Variants in SERGEF observed in about 807,000 individuals in gnomAD.
The protein encoded by SERGEF is secretion-regulating guanine nucleotide exchange factor.
A neutral mutation model predicts 50.0 loss-of-function variants in SERGEF; 51 were observed. The ratio of observed to expected loss-of-function variants is 1.02; its 90% CI spans 0.81 to 1.29. The LOEUF (loss-of-function observed/expected upper bound fraction) is 1.29, where lower values mean the gene tolerates loss of function less well. Ranked by LOEUF, SERGEF falls within the 50% of genes most tolerant of loss-of-function variation. The pLI, the probability that SERGEF is intolerant of heterozygous loss-of-function variation, is 0.00. For missense variants in SERGEF, 521 were observed against 557.0 expected (o/e 0.94, Z 0.65); for synonymous variants, 205 against 212.4 (o/e 0.97, Z 0.30).
In SERGEF at chr11:17,889,519, A is replaced by G. The variant is rs61882439; in HGVS notation, c.1012-11275T>C. ...TGTCCTGTACTCTTAAAAAATGTCAATGTCATAAGAGATAAAGAAAAGCTA... is the reference window on the plus strand; with the variant it reads ...TGTCCTGTACTCTTAAAAAATGTCAGTGTCATAAGAGATAAAGAAAAGCTA... On this transcript the variant is annotated intron_variant, in intron 9 of 10. Coordinates refer to ENST00000265965, the MANE Select transcript of SERGEF (RefSeq NM_012139.4). 3.3e-5 allele frequency among the ~76,000 whole-genome samples: 5 copies of G among 152,246 alleles called. No homozygotes were observed. The East Asian group carries it at 5.8e-4, about 18-fold the overall frequency.
At position 17,991,063 on chromosome 11, in the gene SERGEF, T is replaced by C. The variant is rs1853703974; in HGVS notation, c.685+1868A>G. Among the ~76,000 whole-genome samples the C allele has an allele frequency of 6.6e-6, 1 of 152,202 alleles. No individual in the cohort carries two copies. ...GCCTCAGCCTCCAAAGTGCTGGGAT[T>C]ACAGGTGTGAGCCACAGTGTCCAGC... On this transcript the variant is annotated intron_variant, in intron 7 of 10. Coordinates refer to ENST00000265965, the MANE Select transcript of SERGEF (RefSeq NM_012139.4). The surrounding 1 kb of genome is among the most constrained non-coding windows in gnomAD (Gnocchi z 4.9).
chr11:17,957,176 T>C (rs1046040522), intron 9 of SERGEF, among the ~76,000 whole-genome samples: 11 of 152,162 alleles, frequency 7.2e-5, no homozygotes, highest in African/African-American at 2.7e-4. Context: ...CCTGATAAGC[T>C]ACGTAAAATT....
intron 10 of SERGEF, among the ~76,000 whole-genome samples, chr11:17,848,886 G>T (rs1850664519): frequency 1.3e-5 from 2 of 152,172 alleles, no homozygotes; most frequent in African/African-American, 4.8e-5. Flanking sequence ...TATAAATGAG[G>T]AGATAAGGCC....
At chr11:17,910,193 ACT>A (rs1219567785) in intron 9 of SERGEF, among the ~76,000 whole-genome samples, 13 of 145,666 alleles carry the variant, frequency 8.9e-5, no homozygotes, top group South Asian at 2.2e-4. Flanking sequence ...ACACACACAC[ACT>A]CTCTCTCTCT....
chr11:17,956,211 A>G (rs2133968368), intron 9 of SERGEF, among the ~76,000 whole-genome samples: 1 of 152,306 alleles, frequency 6.6e-6, no homozygotes, highest in East Asian at 1.9e-4. Context: ...GCTCAGAAGA[A>G]AAGAATTGAA....
intron 1 of SERGEF, among the ~76,000 whole-genome samples, chr11:18,009,719 CTAT>C (rs1233167808): frequency 2.6e-5 from 4 of 151,610 alleles, no homozygotes; most frequent in African/African-American, 7.2e-5. Context: ...GGCAATATGT[CTAT>C]TATTATTATT....
intron 9 of SERGEF, among the ~76,000 whole-genome samples, chr11:17,923,437 G>C (rs539405706): frequency 5.7e-4 from 87 of 152,326 alleles, no homozygotes; most frequent in Non-Finnish European, 9.4e-4. Flanking sequence ...GGATGGAAAT[G>C]CTCCAGGAAA....
At chr11:17,948,402 A>T (rs949589530) in intron 9 of SERGEF, among the ~76,000 whole-genome samples, 6 of 152,182 alleles carry the variant, frequency 3.9e-5, no homozygotes, top group Non-Finnish European at 5.9e-5. Context: ...GCCGCAGTGT[A>T]GTCTCTTGAT....
chr11:17,967,808 G>C (rs1853156461), intron 8 of SERGEF, among the ~76,000 whole-genome samples: 1 of 152,156 alleles, frequency 6.6e-6, no homozygotes, highest in African/African-American at 2.4e-5. Flanking sequence ...CCTCCTTCCT[G>C]GGCCTTAGGG....
At chr11:17,926,501 T>A (rs180779460) in intron 9 of SERGEF, among the ~76,000 whole-genome samples, 1 of 152,320 alleles carries the variant, frequency 6.6e-6, no homozygotes, top group African/African-American at 2.4e-5. Context: ...AGCGTACCCC[T>A]GTCTTCTATC....
chr11:17,989,112 TA>T (rs1853657095), intron 7 of SERGEF, among the ~76,000 whole-genome samples: 1 of 152,164 alleles, frequency 6.6e-6, no homozygotes, highest in South Asian at 2.1e-4. Flanking sequence ...ATACCTTTTG[TA>T]TGAAAAAAAT....
At chr11:17,870,010 A>G (rs573532875) in intron 10 of SERGEF, among the ~76,000 whole-genome samples, 3 of 152,338 alleles carry the variant, frequency 2.0e-5, no homozygotes, top group Admixed American at 1.3e-4. Flanking sequence ...AGGTAATTGA[A>G]TCAGGGGGGC....
chr11:17,911,065 G>A (rs1851942919), intron 9 of SERGEF, among the ~76,000 whole-genome samples: 1 of 152,088 alleles, frequency 6.6e-6, no homozygotes, highest in African/African-American at 2.4e-5. Flanking sequence ...TGCCAGACAT[G>A]GGGCACATGA....
intron 10 of SERGEF, among the ~76,000 whole-genome samples, chr11:17,860,794 TG>T (rs1246724121): frequency 6.6e-6 from 1 of 152,178 alleles, no homozygotes; most frequent in Non-Finnish European, 1.5e-5. Flanking sequence ...CAGGGTTATA[TG>T]TTAAGAATAC....
chr11:17,823,063 G>GT (rs1850111968), intron 10 of SERGEF, among the ~76,000 whole-genome samples: 1 of 152,106 alleles, frequency 6.6e-6, no homozygotes, highest in African/African-American at 2.4e-5. Flanking sequence ...CCAGGATACC[G>GT]TATTACATTT....
At chr11:17,855,508 G>A (rs571387586) in intron 10 of SERGEF, 1 of 152,214 alleles carries the variant, frequency 6.6e-6, no homozygotes, top group African/African-American at 2.4e-5. Context: ...ATATATATTT[G>A]CTATTTTTTC....
At chr11:17,802,464 C>T (rs960563155) in intron 10 of SERGEF, among the ~76,000 whole-genome samples, 2 of 152,270 alleles carry the variant, frequency 1.3e-5, no homozygotes, top group African/African-American at 4.8e-5. Flanking sequence ...TGAGGCGAGG[C>T]ACATTTGTCT....
At chr11:18,012,907 G>A (rs748151517) in intron 1 of SERGEF, 44 bp downstream of exon 1, 3 of 1,536,042 alleles carry the variant, frequency 2.0e-6, no homozygotes, top group Non-Finnish European at 2.6e-6. Flanking sequence ...CCACATCTCG[G>A]CGCCCCTCAG....
intron 9 of SERGEF, among the ~76,000 whole-genome samples, chr11:17,936,083 T>C (rs1312469204): frequency 6.6e-6 from 1 of 152,204 alleles, no homozygotes; most frequent in Non-Finnish European, 1.5e-5. Context: ...ACTCTATCTA[T>C]TCTTTTAATA....
Sources: gnomAD v4.1 joint callset for allele counts (sites outside exome capture counted in the v4.1 genomes callset) on GRCh38, gnomAD v4.1.1 for gene constraint, Gnocchi (gnomAD v3.1) non-coding constraint, MANE v1.5 for transcripts, NCBI Gene and HGNC (gene_info 2026-07-23, HGNC 2026-07-21) for gene names.